Variants in ANO3 observed in about 807,000 individuals in gnomAD.
ANO3 encodes the protein anoctamin 3.
Under a neutral mutation model 144.8 loss-of-function variants are expected in ANO3, and 99 were observed. The observed-to-expected ratio is 0.68, with a 90% CI of 0.58 to 0.81. The LOEUF is 0.81. ANO3 is among the 30% of genes least tolerant of loss of function. The probability of loss-of-function intolerance (pLI) is 0.00; values close to 1 mark genes in which losing one functional copy is unlikely to be tolerated. For missense variants in ANO3, 905 were observed against 1,202.2 expected (o/e 0.75, Z 3.66); for synonymous variants, 414 against 392.6 (o/e 1.05, Z -0.64).
At chr11:26,189,379 G>A (rs1233214844) in intron 1 of ANO3, 1 of 943,138 alleles carries the variant, frequency 1.1e-6, no homozygotes, top group East Asian at 1.2e-4. Flanking sequence ...ACTTATGTTT[G>A]TACTTCTTTA....
chr11:26,488,171 A>C (rs1860542527), intron 4 of ANO3, among the ~76,000 whole-genome samples: 1 of 152,208 alleles, frequency 6.6e-6, no homozygotes. Flanking sequence ...TCTCAAAAAA[A>C]CAAAACAAAA....
At chr11:26,364,639 G>C (rs1044464377) in intron 1 of ANO3, among the ~76,000 whole-genome samples, 2 of 152,102 alleles carry the variant, frequency 1.3e-5, no homozygotes, top group Non-Finnish European at 2.9e-5. Context: ...GAGAGTGGGG[G>C]TGGAGGTGCC....
chr11:26,338,260 A>C (rs1488355555), intron 1 of ANO3, among the ~76,000 whole-genome samples: 1 of 152,190 alleles, frequency 6.6e-6, no homozygotes, highest in East Asian at 1.9e-4. Context: ...TTGTAAATGC[A>C]CCAGTCAGCA....
At chr11:26,230,403 G>A (rs906445335) in intron 1 of ANO3, among the ~76,000 whole-genome samples, 10 of 152,064 alleles carry the variant, frequency 6.6e-5, no homozygotes, top group African/African-American at 2.2e-4. Flanking sequence ...GGGACATAAG[G>A]CAATTTCTAT....
At chr11:26,278,199 A>G (rs961591835) in intron 1 of ANO3, among the ~76,000 whole-genome samples, 2 of 152,138 alleles carry the variant, frequency 1.3e-5, no homozygotes, top group Non-Finnish European at 2.9e-5. Flanking sequence ...TAATCAGAGC[A>G]TCATATTCTT....
intron 16 of ANO3, 128 bp from the exon 17 acceptor site, chr11:26,599,422 C>T: frequency 1.0e-6 from 1 of 955,608 alleles, no homozygotes; most frequent in Non-Finnish European, 1.5e-6. Context: ...AAAATTAAAT[C>T]TAGATATCCT....
intron 12 of ANO3, among the ~76,000 whole-genome samples, chr11:26,549,443 C>T (rs11029604): frequency 0.052 from 7,953 of 151,886 alleles, 264 homozygotes; most frequent in Admixed American, 0.095. Context: ...GGAAGGAGAG[C>T]AAGCTTTTAT....
intron 17 of ANO3, among the ~76,000 whole-genome samples, chr11:26,616,436 G>GTTTTTTTTTTT (rs35002566): frequency 7.3e-6 from 1 of 137,448 alleles, no homozygotes. Flanking sequence ...TGCGTTTCTG[G>GTTTTTTTTTTT]TTTTTTTTTT....
In ANO3 at chr11:26,423,090, T is replaced by C. The variant is rs1041973449; in HGVS notation, c.47-18828T>C. On this transcript the variant is annotated intron_variant, in intron 1 of 26. Coordinates refer to ENST00000256737, the MANE Select transcript of ANO3 (RefSeq NM_031418.4). ...TAAGTGTTACATTTGACTACTATTT[T>C]CAGCCATAACGTATGTATGGAGAGT... is the stretch of plus-strand genomic sequence containing the variant. 1.3e-5 allele frequency among the ~76,000 whole-genome samples: 2 copies of C among 151,984 alleles called. 1 individual carries two copies. Among genetic ancestry groups the C allele is most frequent in the East Asian group, 3.9e-4 (2 of 5,178 alleles).
At chr11:26,321,120 T>G (rs999956354) in intron 1 of ANO3, among the ~76,000 whole-genome samples, 1 of 152,116 alleles carries the variant, frequency 6.6e-6, no homozygotes, top group African/African-American at 2.4e-5. Flanking sequence ...TTACTTTTAT[T>G]TTCTTTGTTC....
intron 22 of ANO3, 135 bp downstream of exon 22, chr11:26,642,164 C>G: frequency 3.3e-6 from 3 of 896,920 alleles, no homozygotes; most frequent in Non-Finnish European, 5.0e-6. Flanking sequence ...TCTGCACCTT[C>G]ATCTCAAGGA....
chr11:26,485,486 G>A (rs934765805), intron 4 of ANO3, among the ~76,000 whole-genome samples: 1 of 151,860 alleles, frequency 6.6e-6, no homozygotes, highest in Non-Finnish European at 1.5e-5. Context: ...GAGGCCTCCC[G>A]AGCCACGCTT....
At chr11:26,627,218 A>G (rs954378840) in intron 18 of ANO3, among the ~76,000 whole-genome samples, 1 of 152,100 alleles carries the variant, frequency 6.6e-6, no homozygotes, top group Non-Finnish European at 1.5e-5. Flanking sequence ...AGTTGGATAT[A>G]GCAATGAACA....
At chr11:26,317,444 G>A (rs1205256335) in intron 1 of ANO3, among the ~76,000 whole-genome samples, 10 of 151,486 alleles carry the variant, frequency 6.6e-5, no homozygotes, top group Middle Eastern at 3.4e-3. Flanking sequence ...TCAAAAAGTC[G>A]GCAAAGGATA....
intron 1 of ANO3, among the ~76,000 whole-genome samples, chr11:26,360,841 CATTTT>C (rs1855907224): frequency 2.0e-5 from 3 of 152,286 alleles, no homozygotes; most frequent in Middle Eastern, 3.4e-3. Flanking sequence ...TATACTTACT[CATTTT>C]AGTGGAGTTT....
chr11:26,465,124 TTGTGTGTGTG>T lies in ANO3; in HGVS notation c.432+2004_432+2013del, dbSNP rs36230269. 1.0e-3 allele frequency among the ~76,000 whole-genome samples: 152 copies of T among 145,396 alleles called. 1 individual carries two copies. Among genetic ancestry groups the T allele is most frequent in the East Asian group, 4.3e-3 (21 of 4,882 alleles). On this transcript the variant is annotated intron_variant, in intron 4 of 26. Coordinates refer to ENST00000256737, the MANE Select transcript of ANO3 (RefSeq NM_031418.4). The stretch of plus-strand genomic sequence containing the variant: ...TCTCTTATTATACCCCATCATTAAA[TTGTGTGTGTG>T]TGTGTGTGTGTGTGTGTGTGTGTGT...
chr11:26,435,977 G>C (rs1466526095), intron 1 of ANO3, among the ~76,000 whole-genome samples: 1 of 152,182 alleles, frequency 6.6e-6, no homozygotes, highest in South Asian at 2.1e-4. Context: ...CACTTGAGTT[G>C]CTAGAGTTCT....
intron 1 of ANO3, among the ~76,000 whole-genome samples, chr11:26,434,211 G>A (rs1858215993): frequency 6.6e-6 from 1 of 152,080 alleles, no homozygotes; most frequent in Non-Finnish European, 1.5e-5. Flanking sequence ...TGTGCCTAGA[G>A]GTGTTCATTA....
intron 3 of ANO3, among the ~76,000 whole-genome samples, chr11:26,448,049 C>T (rs993764110): frequency 6.6e-6 from 1 of 152,172 alleles, no homozygotes; most frequent in Non-Finnish European, 1.5e-5. Flanking sequence ...CCTGTAATCC[C>T]AGCACTTTGG....
Sources: allele counts gnomAD v4.1 joint callset (sites outside exome capture counted in the v4.1 genomes callset), GRCh38; gene constraint gnomAD v4.1.1; transcripts MANE v1.5; gene names NCBI Gene and HGNC (gene_info 2026-07-23, HGNC 2026-07-21).